Variants in MUC6 observed in about 807,000 individuals in gnomAD.
MUC6 encodes the protein mucin-6.
MUC6 carries 188 observed loss-of-function variants against 201.5 expected under a neutral mutation model. The observed-to-expected ratio is 0.93, with a 90% confidence interval of 0.83 to 1.05. The LOEUF (loss-of-function observed/expected upper bound fraction) is 1.05. MUC6 is among the 50% of genes least tolerant of loss of function. The pLI, the probability that MUC6 is intolerant of heterozygous loss-of-function variation, is 0.00. For missense variants in MUC6, 2,706 were observed against 3,256.9 expected (o/e 0.83, Z 4.12); for synonymous variants, 1,228 against 1,389.4 (o/e 0.88, Z 2.58).
intron 22 of MUC6, 89 bp downstream of exon 22, chr11:1,025,716 A>C: frequency 8.0e-7 from 1 of 1,248,826 alleles, no homozygotes; most frequent in Non-Finnish European, 1.1e-6. Context: ...TCGGGGCAGG[A>C]CCTGGAGGCT....
rs181067917 is a variant in MUC6, at chr11:1,024,893, C to T, written c.3176G>A (p.Arg1059His). ...CTGGCTGTTGATGACGCTGCACTTGCGCTCGGCCCAGGAGCGCCGGAAGGC... is the reference window on the plus strand; with the variant it reads ...CTGGCTGTTGATGACGCTGCACTTGTGCTCGGCCCAGGAGCGCCGGAAGGC... ...LNAFRRSWAERKCSVINSQTF... is the reference protein window; with the variant it reads ...LNAFRRSWAEHKCSVINSQTF... Residue 1059 changes from arginine (R) to histidine (H), a missense_variant, in exon 24 of 33, where the codon CGC becomes CAC. By Grantham distance (29) the Arg-to-His change is conservative. This residue lies in a region of MUC6 where 1,850 missense variants were observed against 1,958.3 expected (regional missense o/e 0.94). Coordinates refer to ENST00000421673, the MANE Select transcript of MUC6 (RefSeq NM_005961.3). The T allele has an allele frequency of 2.1e-4, 344 of 1,612,666 alleles. 2 individuals are homozygous for T. The East Asian group carries it at 7.0e-3, about 33-fold the overall frequency.
At position 1,033,008 on chromosome 11, in the gene MUC6, C is replaced by T; in HGVS notation, c.115+5G>A. The stretch of plus-strand genomic sequence containing the variant: ...CGGCAGGATCAGTGGCCGCTGTGTT[C>T]TTACCTGTCTGTGGAGAGTCCTTCA... On this transcript the variant is annotated splice_donor_5th_base_variant and intron_variant, in intron 2 of 32. Transcript: ENST00000421673. This position sits in a 1 kb window ranked among gnomAD's most constrained non-coding sequence, Gnocchi z 5.6. 6.3e-7 allele frequency: 1 copy of T among 1,591,542 alleles called. No homozygotes were observed. The highest frequency in any genetic ancestry group is 8.6e-7 in the Non-Finnish European group (1 of 1,163,164).
In MUC6 at chr11:1,025,275, A is replaced by G. The variant is rs1221926562; in HGVS notation, c.2892T>C (p.Leu964=). The G allele has an allele frequency of 4.3e-6, 7 of 1,612,806 alleles. No individual in the cohort carries two copies. The highest frequency in any genetic ancestry group is 1.3e-5 in the African/African-American group (1 of 75,060). Residue 964 remains leucine, a synonymous_variant, in exon 23 of 33, where the codon CTT becomes CTC. Coordinates refer to ENST00000421673, the MANE Select transcript of MUC6 (RefSeq NM_005961.3). ...QLGVTPGALS[L]VVDISIPGRY... Reference sequence around the variant, plus strand: ...TCCCGGGGATGCTGATGTCCACGACAAGGCTCAGCGCACCCGGCGTCACCC... The same window carrying G: ...TCCCGGGGATGCTGATGTCCACGACGAGGCTCAGCGCACCCGGCGTCACCC...
rs1017412514 is a variant in MUC6 at position 1,027,769 on chromosome 11, A to G, written c.1897T>C (p.Cys633Arg). ...CNYEETFPHI[C>R]AALGDYVHAC... ...TGTACGTAGTCGCCCAGGGCGGCACAGATGTGGGGAAAGGTCTCCTCGTAG... is the reference window on the plus strand; with the variant it reads ...TGTACGTAGTCGCCCAGGGCGGCACGGATGTGGGGAAAGGTCTCCTCGTAG... The change falls in exon 16 of 33, where the codon TGT becomes CGT. Residue 633 changes from cysteine to arginine, a missense_variant. Around this residue, in one of 10 missense-constraint regions of MUC6, gnomAD observed 1,850 missense variants for 1,958.3 expected, o/e 0.94. Coordinates refer to ENST00000421673, the MANE Select transcript of MUC6 (RefSeq NM_005961.3). The G allele has an allele frequency of 8.1e-6, 13 of 1,610,942 alleles. No individual in the cohort carries two copies. Among genetic ancestry groups the G allele is most frequent in the Non-Finnish European group, 1.1e-5 (13 of 1,179,264 alleles).
chr11:1,027,531 G>C lies in MUC6; in HGVS notation c.1982-14C>G, dbSNP rs552659304. 2.2e-5 allele frequency: 36 copies of C among 1,611,508 alleles called. No individual in the cohort carries two copies. In the African/African-American group the frequency reaches 4.4e-4, roughly 20 times the overall value. ...TGCAGGGGATGGCTGTGGGGGACCC[G>C]GGCATCAGACTCTCCGGGAGGGGGC... On this transcript the variant is annotated splice_polypyrimidine_tract_variant and intron_variant, in intron 16 of 32. Transcript: ENST00000421673.
chr11:1,028,607 G>T (rs970547331), intron 13 of MUC6, 39 bp downstream of exon 13: 2 of 1,596,024 alleles, frequency 1.3e-6, no homozygotes, highest in Non-Finnish European at 1.7e-6. Context: ...ACCCTGTAGG[G>T]ATGAGGCAAC....
At chr11:1,030,867 G>A (rs958914325) in intron 6 of MUC6, 80 bp downstream of exon 6, 66 of 1,526,380 alleles carry the variant, frequency 4.3e-5, no homozygotes, top group Non-Finnish European at 4.7e-5. Flanking sequence ...TCTGTGATGC[G>A]GCTGCTTGTG....
Position 1,016,031 on chromosome 11 carries a change from C to G in MUC6, c.6770G>C (p.Ser2257Thr), listed in dbSNP as rs1321103592. The change falls in exon 31 of 33, where the codon AGC becomes ACC. Residue 2257 changes from serine (S) to threonine (T), a missense_variant. Around this residue, in one of 10 missense-constraint regions of MUC6, gnomAD observed 586 missense variants for 488.0 expected, o/e 1.20. Coordinates refer to ENST00000421673, the MANE Select transcript of MUC6 (RefSeq NM_005961.3). ...AFPSTPRTTA[S>T]THTAPAFSSQ... is the part of the protein sequence containing the mutation. ...GGAGAAGGCAGGGGCGGTGTGGGTGCTGGCCGTGGTCCTGGGCGTGGACGG... is the reference window on the plus strand; with the variant it reads ...GGAGAAGGCAGGGGCGGTGTGGGTGGTGGCCGTGGTCCTGGGCGTGGACGG... 2 of 1,607,500 alleles carry G rather than the reference C, an allele frequency of 1.2e-6. No homozygotes were observed. The highest frequency in any genetic ancestry group is 1.7e-6 in the Non-Finnish European group (2 of 1,176,102).
intron 28 of MUC6, 130 bp from the exon 29 acceptor site, chr11:1,020,387 G>T: frequency 7.9e-7 from 1 of 1,263,634 alleles, no homozygotes; most frequent in Non-Finnish European, 1.1e-6. Flanking sequence ...TTGAGGGCTG[G>T]CCTGTGGCAC....
chr11:1,026,221 C>T (rs979973235), intron 20 of MUC6, 80 bp from the exon 21 acceptor site: 22 of 1,516,296 alleles, frequency 1.5e-5, no homozygotes, highest in Admixed American at 1.0e-4. Context: ...GGCCAGACTG[C>T]ACCTCTGGAC....
intron 1 of MUC6, among the ~76,000 whole-genome samples, chr11:1,035,330 G>A (rs1281327140): frequency 2.0e-5 from 3 of 152,222 alleles, no homozygotes; most frequent in Admixed American, 6.5e-5. Context: ...GTGGTGGCCC[G>A]AGGGACTAGG....
intron 21 of MUC6, 21 bp downstream of exon 21, chr11:1,025,979 G>A (rs1331433071): frequency 5.0e-6 from 8 of 1,588,870 alleles, no homozygotes; most frequent in Non-Finnish European, 6.8e-6. Context: ...CGGCCCCTGC[G>A]GCCTGGCACC....
At chr11:1,029,466 G>T in intron 9 of MUC6, 29 bp downstream of exon 9, 1 of 1,609,828 alleles carries the variant, frequency 6.2e-7, no homozygotes, top group South Asian at 1.1e-5. Context: ...CTGCCGGCCG[G>T]CCAGAGCCCC....
intron 24 of MUC6, 70 bp from the exon 25 acceptor site, chr11:1,024,173 A>G: frequency 6.5e-7 from 1 of 1,529,020 alleles, no homozygotes; most frequent in Non-Finnish European, 8.8e-7. Context: ...TGCCACCTGC[A>G]GGGCCCTCAG....
chr11:1,016,017 G>A lies in MUC6; in HGVS notation c.6784C>T (p.Pro2262Ser). The change falls in exon 31 of 33, where the codon CCT becomes TCT. Residue 2262 changes from proline to serine, a missense_variant. This residue lies in a region of MUC6 where 586 missense variants were observed against 488.0 expected (regional missense o/e 1.20). Coordinates refer to ENST00000421673, the MANE Select transcript of MUC6 (RefSeq NM_005961.3). ...PRTTASTHTA[P>S]AFSSQSTTSR... Reference sequence around the variant, plus strand: ...GTGGTGGACTGAGAGGAGAAGGCAGGGGCGGTGTGGGTGCTGGCCGTGGTC... The same window carrying A: ...GTGGTGGACTGAGAGGAGAAGGCAGAGGCGGTGTGGGTGCTGGCCGTGGTC... 1 of 1,607,670 alleles carries A rather than the reference G, an allele frequency of 6.2e-7. No individual in the cohort carries two copies. Among genetic ancestry groups the A allele is most frequent in the Non-Finnish European group, 8.5e-7 (1 of 1,175,944 alleles).
Position 1,016,514 on chromosome 11 carries a change from T to C in MUC6, c.6287A>G (p.Gln2096Arg). The change falls in exon 31 of 33, where the codon CAG (glutamine) becomes CGG (arginine). Residue 2096 changes from glutamine (Q) to arginine (R), a missense_variant. Around this residue, in one of 10 missense-constraint regions of MUC6, gnomAD observed 586 missense variants for 488.0 expected, o/e 1.20. Transcript: ENST00000421673. ...SFISSSSWLP[Q>R]NSSSRPPSSP... Reference sequence around the variant, plus strand: ...TGACGGTGGCCTTGAGCTAGAGTTCTGAGGCAGCCAAGACGAGGAGGATAT... The same window carrying C: ...TGACGGTGGCCTTGAGCTAGAGTTCCGAGGCAGCCAAGACGAGGAGGATAT... 6.2e-7 allele frequency: 1 copy of C among 1,613,266 alleles called. No homozygotes were observed. The highest frequency in any genetic ancestry group is 8.5e-7 in the Non-Finnish European group (1 of 1,179,462).
chr11:1,015,774 G>T lies in MUC6; in HGVS notation c.7027C>A (p.Pro2343Thr). The change falls in exon 31 of 33, where the codon CCC (proline) becomes ACC (threonine). Residue 2343 changes from proline to threonine, a missense_variant. Transcript: ENST00000421673. ...AGATGCCACTTACCGGGTGAGGTGG[G>T]CGTAGGTGTCCCGAGAGAAGATACC... ...APVSSLGTPT[P>T]TSPGVCSVRE... 6.5e-7 allele frequency: 1 copy of T among 1,541,902 alleles called. No homozygotes were observed.
rs1032849535 is a variant in MUC6 at position 1,026,777 on chromosome 11, G to A, written c.2394+164C>T. 7.2e-5 allele frequency among the ~76,000 whole-genome samples: 11 copies of A among 152,216 alleles called. No individual in the cohort carries two copies. The South Asian group carries it at 1.2e-3, about 17-fold the overall frequency. The stretch of plus-strand genomic sequence containing the variant: ...TAGGGAGCCCTGCAGACGAGCCCCC[G>A]GGGCCTCCAGCTGCCTGGCCACAGG... On this transcript the variant is annotated intron_variant, in intron 19 of 32. Transcript: ENST00000421673.
Position 1,021,218 on chromosome 11 carries a change from A to G in MUC6, c.3586T>C (p.Cys1196Arg). 2 of 1,585,864 alleles carry G rather than the reference A, an allele frequency of 1.3e-6. No homozygotes were observed. The highest frequency in any genetic ancestry group is 1.7e-6 in the Non-Finnish European group (2 of 1,168,184). ...CAGGGCAGCCGACTGGACTTACTGCAGGGCACGCACACCCCCTCCTCGTGG... is the reference window on the plus strand; with the variant it reads ...CAGGGCAGCCGACTGGACTTACTGCGGGGCACGCACACCCCCTCCTCGTGG... ...FDHEEGVCVP[C>R]MPPTTPQPPT... Residue 1196 changes from cysteine to arginine, a missense_variant, in exon 27 of 33, where the codon TGC becomes CGC. Around this residue, in one of 10 missense-constraint regions of MUC6, gnomAD observed 1,850 missense variants for 1,958.3 expected, o/e 0.94. Coordinates refer to ENST00000421673, the MANE Select transcript of MUC6 (RefSeq NM_005961.3).
Sources: allele counts gnomAD v4.1 joint callset (sites outside exome capture counted in the v4.1 genomes callset), GRCh38; gene constraint gnomAD v4.1.1; regional missense constraint gnomAD v4.1.1; non-coding constraint Gnocchi (gnomAD v3.1); transcripts MANE v1.5; gene names NCBI Gene and HGNC (gene_info 2026-07-23, HGNC 2026-07-21).